SYT14: variants seen among roughly 807,000 people sequenced by gnomAD.
The protein encoded by SYT14 is synaptotagmin 14.
In SYT14, 32 loss-of-function variants were observed where a neutral mutation model predicts 74.2. The ratio of observed to expected loss-of-function variants is 0.43; its 90% CI spans 0.33 to 0.58. The LOEUF (loss-of-function observed/expected upper bound fraction) is 0.58, where lower values mean the gene tolerates loss of function less well. Ranked by LOEUF, SYT14 falls within the 20% of genes least tolerant of loss-of-function variation. SYT14 has a pLI of 0.05. For missense variants in SYT14, 791 were observed against 981.8 expected (o/e 0.81, Z 2.60); for synonymous variants, 298 against 337.7 (o/e 0.88, Z 1.29).
At chr1:210,146,195 G>A (rs923566223) in intron 7 of SYT14, among the ~76,000 whole-genome samples, 14 of 152,078 alleles carry the variant, frequency 9.2e-5, no homozygotes, top group South Asian at 2.1e-4. Context: ...AAAATTAACC[G>A]GGCGTGTTGG....
chr1:210,043,539 C>T (rs1440417555), intron 5 of SYT14, among the ~76,000 whole-genome samples: 1 of 152,062 alleles, frequency 6.6e-6, no homozygotes. Flanking sequence ...TCTCTACTAC[C>T]GTGGTAACAC....
At chr1:210,021,964 T>C (rs1455912522) in intron 5 of SYT14, among the ~76,000 whole-genome samples, 1 of 152,198 alleles carries the variant, frequency 6.6e-6, no homozygotes, top group Admixed American at 6.5e-5. Context: ...AAGACAGATT[T>C]TGCCATTAAT....
chr1:210,104,177 T>A (rs1185470408), intron 7 of SYT14, among the ~76,000 whole-genome samples: 1 of 152,170 alleles, frequency 6.6e-6, no homozygotes, highest in Non-Finnish European at 1.5e-5. Flanking sequence ...GCAGAAATGG[T>A]ATTGGTGCTG....
intron 5 of SYT14, among the ~76,000 whole-genome samples, chr1:210,045,287 T>C (rs2080864155): frequency 6.6e-6 from 1 of 152,210 alleles, no homozygotes; most frequent in South Asian, 2.1e-4. Context: ...TAGTGCTAAA[T>C]ACAAAGTAAA....
intron 5 of SYT14, among the ~76,000 whole-genome samples, chr1:210,070,163 A>G (rs1468559024): frequency 1.4e-4 from 21 of 152,000 alleles, no homozygotes; most frequent in Non-Finnish European, 8.8e-5. Flanking sequence ...TCCGCTCTCC[A>G]TCTCCTCCCC....
intron 7 of SYT14, among the ~76,000 whole-genome samples, chr1:210,150,958 G>A (rs1468418098): frequency 3.3e-5 from 5 of 152,126 alleles, no homozygotes; most frequent in Non-Finnish European, 7.3e-5. Flanking sequence ...TTAAGTAAAT[G>A]TAATGGCCAC....
intron 5 of SYT14, among the ~76,000 whole-genome samples, chr1:210,031,625 G>A (rs1174169051): frequency 6.6e-6 from 1 of 152,134 alleles, no homozygotes; most frequent in Non-Finnish European, 1.5e-5. Context: ...TCTTGTGTGA[G>A]TTTTGGAATA....
At chr1:210,035,719 A>G (rs2080646221) in intron 5 of SYT14, among the ~76,000 whole-genome samples, 2 of 151,576 alleles carry the variant, frequency 1.3e-5, no homozygotes. Context: ...TGACTTTGTT[A>G]AAGATCAGTT....
chr1:210,148,466 G>A (rs1002622640), intron 7 of SYT14, among the ~76,000 whole-genome samples: 6 of 149,732 alleles, frequency 4.0e-5, no homozygotes, highest in African/African-American at 7.4e-5. Context: ...CCGAGATCGC[G>A]CCACTGCACT....
At chr1:209,967,345 C>G (rs1028462438) in intron 2 of SYT14, among the ~76,000 whole-genome samples, 1 of 152,028 alleles carries the variant, frequency 6.6e-6, no homozygotes, top group Non-Finnish European at 1.5e-5. Context: ...AGTATTCCCT[C>G]CTCTTGAATT....
chr1:210,095,764 T>C (rs1361014169), intron 6 of SYT14, among the ~76,000 whole-genome samples: 1 of 152,220 alleles, frequency 6.6e-6, no homozygotes, highest in African/African-American at 2.4e-5. Flanking sequence ...TTAAAACTAC[T>C]CTGTATCTGT....
chr1:210,101,954 G>T (rs1023093596), intron 7 of SYT14, among the ~76,000 whole-genome samples: 1 of 152,142 alleles, frequency 6.6e-6, no homozygotes, highest in African/African-American at 2.4e-5. Flanking sequence ...TCTTATCTCT[G>T]TTCAAACTAA....
chr1:210,020,076 A>G (rs372734983), intron 4 of SYT14, among the ~76,000 whole-genome samples: 3 of 152,146 alleles, frequency 2.0e-5, no homozygotes, highest in East Asian at 3.8e-4. Flanking sequence ...TGTATGCATT[A>G]TGTGTGTGTA....
intron 7 of SYT14, among the ~76,000 whole-genome samples, chr1:210,135,571 G>C (rs1487747755): frequency 5.3e-5 from 8 of 152,064 alleles, no homozygotes; most frequent in African/African-American, 1.7e-4. Context: ...TTTAGTTTCT[G>C]GATCAGTTTT....
intron 2 of SYT14, among the ~76,000 whole-genome samples, chr1:209,953,666 T>G (rs920979516): frequency 1.3e-5 from 2 of 152,226 alleles, no homozygotes; most frequent in East Asian, 3.8e-4. Flanking sequence ...CTCAGCTTCT[T>G]TAGACTTGAA....
chr1:209,957,575 C>T (rs921808594), intron 2 of SYT14, among the ~76,000 whole-genome samples: 2 of 151,850 alleles, frequency 1.3e-5, no homozygotes, highest in Non-Finnish European at 2.9e-5. Context: ...TACAGGCATG[C>T]ACCACCATGC....
chr1:210,154,712 C>T (rs377184138), intron 7 of SYT14, among the ~76,000 whole-genome samples: 2 of 151,920 alleles, frequency 1.3e-5, no homozygotes, highest in Non-Finnish European at 2.9e-5. Flanking sequence ...CCTTTAATTT[C>T]CAAAAAATAT....
intron 5 of SYT14, among the ~76,000 whole-genome samples, chr1:210,065,875 C>T (rs1455056682): frequency 2.6e-5 from 4 of 151,068 alleles, no homozygotes; most frequent in Admixed American, 6.6e-5. Flanking sequence ...TTCCCTCCCC[C>T]TTCCCCCCAC....
At chr1:209,966,011 C>G (rs1308662645) in intron 2 of SYT14, 2 of 443,580 alleles carry the variant, frequency 4.5e-6, no homozygotes, top group Non-Finnish European at 9.0e-6. Context: ...ACTGGGACTA[C>G]AGGTGCGTGC....
Sources: allele counts gnomAD v4.1 joint callset (sites outside exome capture counted in the v4.1 genomes callset), GRCh38; gene constraint gnomAD v4.1.1; transcripts MANE v1.5; gene names NCBI Gene and HGNC (gene_info 2026-07-23, HGNC 2026-07-21).